Variants in STAG1 observed in about 807,000 individuals in gnomAD.
STAG1 encodes STAG1 cohesin complex component.
Under a neutral mutation model 170.9 loss-of-function variants are expected in STAG1, and 26 were observed. That is an observed-to-expected ratio of 0.15 (90% CI 0.11 to 0.21). The LOEUF (loss-of-function observed/expected upper bound fraction) is 0.21, where lower values mean the gene tolerates loss of function less well. Among genes scored for constraint, STAG1 ranks in the 10% least tolerant of loss-of-function variants. STAG1 has a pLI of 1.00. For synonymous variants in STAG1, 514 were observed against 497.7 expected, an observed-to-expected ratio of 1.03 and a Z score of -0.44; for missense variants, 964 against 1,509.5, an observed-to-expected ratio of 0.64 and a Z score of 5.99.
At chr3:136,654,814 G>GA (rs1941323857) in intron 1 of STAG1, among the ~76,000 whole-genome samples, 1 of 152,108 alleles carries the variant, frequency 6.6e-6, no homozygotes, top group Non-Finnish European at 1.5e-5. Flanking sequence ...TTGACCAATG[G>GA]AATAGAAAAG....
intron 4 of STAG1, among the ~76,000 whole-genome samples, chr3:136,574,939 A>C (rs1937400815): frequency 6.6e-6 from 1 of 152,228 alleles, no homozygotes; most frequent in Non-Finnish European, 1.5e-5. Context: ...GTTTTTAAAC[A>C]CTGAAATAAT....
rs532231964 is a variant in STAG1, at chr3:136,540,798, G to A, written c.471+1321C>T. Among the ~76,000 whole-genome samples the A allele has an allele frequency of 7.4e-5, 8 of 108,570 alleles. No homozygotes were observed. In the East Asian group the frequency reaches 1.4e-3, roughly 19 times the overall value. The allele number at this position is 108,570 out of a possible 152,430, so 71.2% of individuals were successfully genotyped here. A position where few individuals can be genotyped will look rare whatever the true frequency, so the allele number is the denominator to read the frequency against. On this transcript the variant is annotated intron_variant, in intron 6 of 33. Transcript: ENST00000383202. ...GACAATGCCACTGCGCTCCAGTCTG[G>A]GCGACAGAGTGAAACTGTGTCTCCA...
At chr3:136,423,382 T>G (rs1559792588) in intron 16 of STAG1, among the ~76,000 whole-genome samples, 1 of 152,216 alleles carries the variant, frequency 6.6e-6, no homozygotes, top group Admixed American at 6.5e-5. Flanking sequence ...GATCTTCCTA[T>G]GTTAAATATA....
chr3:136,559,307 G>C (rs547296086), intron 5 of STAG1, among the ~76,000 whole-genome samples: 12 of 152,278 alleles, frequency 7.9e-5, no homozygotes, highest in Non-Finnish European at 1.5e-4. Flanking sequence ...AAGGATGCCA[G>C]TGCAAGTAAT....
At chr3:136,455,467 C>G (rs2089082483) in intron 13 of STAG1, among the ~76,000 whole-genome samples, 1 of 152,192 alleles carries the variant, frequency 6.6e-6, no homozygotes, top group Admixed American at 6.5e-5. Context: ...GCTCTCCTTG[C>G]TGGTCTGGGC....
intron 1 of STAG1, among the ~76,000 whole-genome samples, chr3:136,652,071 C>G (rs940988236): frequency 6.6e-6 from 1 of 152,086 alleles, no homozygotes; most frequent in Non-Finnish European, 1.5e-5. Flanking sequence ...GAGCTAAGGC[C>G]TTCTTGTGCA....
intron 5 of STAG1, among the ~76,000 whole-genome samples, chr3:136,546,786 A>T (rs1936173201): frequency 6.6e-6 from 1 of 152,224 alleles, no homozygotes; most frequent in Non-Finnish European, 1.5e-5. Context: ...TTTATAGATG[A>T]CATTGTATAA....
intron 28 of STAG1, among the ~76,000 whole-genome samples, chr3:136,350,030 C>G (rs1314146284): frequency 6.6e-6 from 1 of 152,082 alleles, no homozygotes; most frequent in Non-Finnish European, 1.5e-5. Context: ...ATCCCAGCTA[C>G]TCAGGAGGCT....
At position 136,422,869 on chromosome 3, in the gene STAG1, A is replaced by G. The variant is rs140017560; in HGVS notation, c.1744-12T>C. 0.016 allele frequency: 25,340 copies of G among 1,599,452 alleles called. 260 individuals are homozygous for G. The highest frequency in any genetic ancestry group is 0.023 in the Middle Eastern group (127 of 5,532). ...GCATCTGCAGAATACTAGAAGGAGAAGCAAAGAAAAAGACAGTAACTACTT... is the reference window on the plus strand; with the variant it reads ...GCATCTGCAGAATACTAGAAGGAGAGGCAAAGAAAAAGACAGTAACTACTT... On this transcript the variant is annotated splice_polypyrimidine_tract_variant and intron_variant, in intron 17 of 33. Transcript: ENST00000383202.
At position 136,418,360 on chromosome 3, in the gene STAG1, C is replaced by CAAAAAAAAA. The variant is rs767401141; in HGVS notation, c.2109-397_2109-389dup. 8.2e-4 allele frequency among the ~76,000 whole-genome samples: 41 copies of CAAAAAAAAA among 49,760 alleles called. 1 individual carries two copies. The highest frequency in any genetic ancestry group is 2.2e-3 in the African/African-American group (20 of 9,264). 32.6% of individuals were successfully genotyped at this position (49,760 alleles called of 152,430 possible). A position where few individuals can be genotyped will look rare whatever the true frequency, so the allele number is the denominator to read the frequency against. On this transcript the variant is annotated intron_variant, in intron 20 of 33. Coordinates refer to ENST00000383202, the MANE Select transcript of STAG1 (RefSeq NM_005862.3). ...GGGTAACTGAGCAAGACTCTGTCTC[C>CAAAAAAAAA]AAAAAAAAAAAAAAAAAAAAAAAAA...
chr3:136,604,529 A>C, intron 3 of STAG1, 56 bp from the exon 4 acceptor site: 1 of 1,435,368 alleles, frequency 7.0e-7, no homozygotes, highest in Non-Finnish European at 9.4e-7. Context: ...GCTTTATATA[A>C]AATGATCACT....
chr3:136,661,008 G>A (rs1175579238), intron 1 of STAG1, among the ~76,000 whole-genome samples: 1 of 152,050 alleles, frequency 6.6e-6, no homozygotes, highest in East Asian at 1.9e-4. Context: ...GGGGACTACT[G>A]TTAACTATTA....
intron 25 of STAG1, among the ~76,000 whole-genome samples, chr3:136,364,134 G>A (rs936884215): frequency 2.0e-5 from 3 of 151,964 alleles, no homozygotes; most frequent in Admixed American, 6.6e-5. Flanking sequence ...CCAGGCTGGA[G>A]TGCAATGGCA....
chr3:136,629,722 T>A (rs1940251572), intron 2 of STAG1, among the ~76,000 whole-genome samples: 1 of 152,140 alleles, frequency 6.6e-6, no homozygotes. Flanking sequence ...ATAAGGTATG[T>A]AAATGAACTG....
chr3:136,459,111 G>A (rs562358573), intron 13 of STAG1, among the ~76,000 whole-genome samples: 76 of 151,976 alleles, frequency 5.0e-4, no homozygotes, highest in Non-Finnish European at 3.7e-4. Context: ...CCAGCTACTC[G>A]GGAGGCTGAG....
chr3:136,563,480 C>A (rs140404102), intron 5 of STAG1, among the ~76,000 whole-genome samples: 101 of 151,744 alleles, frequency 6.7e-4, no homozygotes, highest in African/African-American at 2.4e-3. Flanking sequence ...CAGTATCATT[C>A]CCTCACCTCA....
chr3:136,377,013 G>C (rs369523038), intron 23 of STAG1, among the ~76,000 whole-genome samples: 3 of 150,788 alleles, frequency 2.0e-5, no homozygotes, highest in African/African-American at 7.3e-5. Flanking sequence ...TCTTGACCTT[G>C]TGATCTGCCC....
At chr3:136,632,664 C>G (rs1940376918) in intron 1 of STAG1, among the ~76,000 whole-genome samples, 1 of 151,918 alleles carries the variant, frequency 6.6e-6, no homozygotes, top group Non-Finnish European at 1.5e-5. Context: ...GGACTAAGGG[C>G]TTTCAAAGAC....
At chr3:136,395,061 G>A (rs1013486896) in intron 22 of STAG1, among the ~76,000 whole-genome samples, 2 of 151,736 alleles carry the variant, frequency 1.3e-5, no homozygotes, top group Admixed American at 6.6e-5. Context: ...ACAGTGAGCC[G>A]TGACAGTGGG....
Sources: gnomAD v4.1 joint callset for allele counts (sites outside exome capture counted in the v4.1 genomes callset) on GRCh38, gnomAD v4.1.1 for gene constraint, MANE v1.5 for transcripts, NCBI Gene and HGNC (gene_info 2026-07-23, HGNC 2026-07-21) for gene names.